GSE1: variants seen among roughly 807,000 people sequenced by gnomAD.
GSE1 encodes the protein Gse1 coiled-coil protein, also known as genetic suppressor element 1.
A neutral mutation model predicts 112.6 loss-of-function variants in GSE1; 32 were observed. That is an observed-to-expected ratio of 0.28 (90% CI 0.21 to 0.38). The LOEUF is 0.38. Among genes scored for constraint, GSE1 ranks in the 10% least tolerant of loss-of-function variants. The probability of loss-of-function intolerance (pLI) is 1.00; values close to 1 mark genes in which losing one functional copy is unlikely to be tolerated. For missense variants in GSE1, 2,348 were observed against 1,699.2 expected (o/e 1.38, Z -6.71); for synonymous variants, 1,115 against 735.6 (o/e 1.52, Z -8.35).
At chr16:85,269,900 A>G (rs1232039385) in intron 1 of GSE1, among the ~76,000 whole-genome samples, 3 of 149,546 alleles carry the variant, frequency 2.0e-5, no homozygotes, top group Non-Finnish European at 4.5e-5. Context: ...CAGCGCCGAC[A>G]TGTAGCTGCG....
chr16:85,275,423 G>A (rs978229123), intron 1 of GSE1, among the ~76,000 whole-genome samples: 2 of 152,216 alleles, frequency 1.3e-5, no homozygotes, highest in African/African-American at 2.4e-5. Flanking sequence ...CACTCCCTTG[G>A]CACCAGCAAG....
In GSE1 at chr16:85,663,347, C is replaced by G. The variant is rs1402262597; in HGVS notation, c.2377C>G (p.Leu793Val). The change falls in exon 11 of 16, where the codon CTA (leucine) becomes GTA (valine). Residue 793 changes from leucine to valine, a missense_variant. Transcript: ENST00000253458. ...PLKLDTSSEKLEFLQLFGLTT... is the reference protein window; with the variant it reads ...PLKLDTSSEKVEFLQLFGLTT... ...TTTGTTTTCTTTCCCAATCTAGAAG[C>G]TAGAGTTTTTGCAACTTTTTGGCTT... 1.2e-6 allele frequency: 2 copies of G among 1,613,782 alleles called. No homozygotes were observed. Among genetic ancestry groups the G allele is most frequent in the African/African-American group, 1.3e-5 (1 of 75,006 alleles).
intron 1 of GSE1, among the ~76,000 whole-genome samples, chr16:85,226,792 T>C (rs2075495428): frequency 6.7e-6 from 1 of 148,992 alleles, no homozygotes. Flanking sequence ...TGTGTGTGTG[T>C]GTGTGTGTGT....
chr16:85,207,704 C>T (rs1409885448), intron 1 of GSE1: 1 of 152,276 alleles, frequency 6.6e-6, no homozygotes, highest in Non-Finnish European at 1.5e-5. Flanking sequence ...ATCACCCTCT[C>T]CAGGCCTCTG....
chr16:85,258,582 G>C (rs1484707593), intron 1 of GSE1, among the ~76,000 whole-genome samples: 1 of 152,104 alleles, frequency 6.6e-6, no homozygotes, highest in African/African-American at 2.4e-5. Flanking sequence ...GGGTGCCAGG[G>C]CGCCTCTGCC....
intron 2 of GSE1, among the ~76,000 whole-genome samples, chr16:85,368,485 G>A (rs1051846198): frequency 3.9e-5 from 6 of 152,090 alleles, no homozygotes; most frequent in South Asian, 2.1e-4. Context: ...CAGGAGGATC[G>A]CTTGAGCCCA....
chr16:85,633,889 T>A (rs2151747568), intron 1 of GSE1, 25 bp from the exon 2 acceptor site: 1 of 1,587,398 alleles, frequency 6.3e-7, no homozygotes, highest in East Asian at 2.3e-5. Context: ...CTGGGTGACC[T>A]CTGGTTCTTC....
At chr16:85,524,123 G>A (rs1476879280) in intron 2 of GSE1, among the ~76,000 whole-genome samples, 2 of 152,146 alleles carry the variant, frequency 1.3e-5, no homozygotes, top group African/African-American at 2.4e-5. Context: ...GGCCGGTGGG[G>A]TGCAGGGGAC....
chr16:85,445,102 C>T (rs561249247), intron 2 of GSE1, among the ~76,000 whole-genome samples: 1 of 152,242 alleles, frequency 6.6e-6, no homozygotes, highest in South Asian at 2.1e-4. Context: ...TATCTTCCAG[C>T]CTGAATCGCT....
At chr16:85,659,892 A>T (rs1311948626) in intron 8 of GSE1, among the ~76,000 whole-genome samples, 1 of 152,214 alleles carries the variant, frequency 6.6e-6, no homozygotes, top group Non-Finnish European at 1.5e-5. Context: ...GCCACAGGCC[A>T]CTTGGGCAGT....
intron 1 of GSE1, among the ~76,000 whole-genome samples, chr16:85,203,486 AC>A (rs912834120): frequency 2.0e-5 from 3 of 152,022 alleles, no homozygotes; most frequent in Admixed American, 2.0e-4. Context: ...ATGGAGGGAG[AC>A]CCTGCTCGCT....
At position 85,311,531 on chromosome 16, in the gene GSE1, C is replaced by T. The variant is rs1206412509; in HGVS notation, c.2284-45932C>T. ...GGGAGGGAGGGAGGGAAGGAGGTGC[C>T]GGGGTGCTCACCTTCCCCGAGGCTT... On this transcript the variant is annotated intron_variant, in intron 1 of 2. Coordinates refer to the GSE1 transcript ENST00000637419. The surrounding 1 kb of genome is among the most constrained non-coding windows in gnomAD (Gnocchi z 4.2). 1.3e-5 allele frequency among the ~76,000 whole-genome samples: 2 copies of T among 152,084 alleles called. No individual in the cohort carries two copies. The highest frequency in any genetic ancestry group is 6.5e-5 in the Admixed American group (1 of 15,284).
At position 85,661,467 on chromosome 16, in the gene GSE1, G is replaced by T; in HGVS notation, c.1962G>T (p.Pro654=). The change falls in exon 9 of 16, where the codon CCG becomes CCT. Residue 654 remains proline, a synonymous_variant. Coordinates refer to ENST00000253458, the MANE Select transcript of GSE1 (RefSeq NM_014615.5). ...APLDKYQPPP[P]PPREGGSLEH... is the part of the protein sequence containing the mutation. Reference sequence around the variant, plus strand: ...TGGACAAGTACCAGCCACCTCCGCCGCCACCACGAGAGGGAGGGAGCCTGG... The same window carrying T: ...TGGACAAGTACCAGCCACCTCCGCCTCCACCACGAGAGGGAGGGAGCCTGG... 6.2e-7 allele frequency: 1 copy of T among 1,611,456 alleles called. No individual in the cohort carries two copies.
In GSE1 at chr16:85,672,553, A is replaced by T; in HGVS notation, c.*14A>T. The T allele has an allele frequency of 6.4e-7, 1 of 1,570,436 alleles. No homozygotes were observed. Among genetic ancestry groups the T allele is most frequent in the Non-Finnish European group, 8.7e-7 (1 of 1,147,006 alleles). On this transcript the variant is annotated 3_prime_UTR_variant, in exon 16 of 16. Transcript: ENST00000253458. ...TATCCCAGGTGACGGTTTCCCTTGC[A>T]CTAGGCCGAACCTATAGTATAGAAA...
At chr16:85,256,800 C>T (rs1907132898) in intron 1 of GSE1, among the ~76,000 whole-genome samples, 2 of 152,272 alleles carry the variant, frequency 1.3e-5, no homozygotes, top group Admixed American at 1.3e-4. Context: ...ACGTTTTACT[C>T]TCCAGCTTTG....
chr16:85,265,639 T>C (rs4074608), intron 1 of GSE1, among the ~76,000 whole-genome samples: 32,826 of 152,078 alleles, frequency 0.22, 4,043 homozygotes, highest in African/African-American at 0.34. Flanking sequence ...GGCTGATGCC[T>C]ACCCTGCTAT....
At chr16:85,664,993 T>A (rs1476490297) in intron 11 of GSE1, 22 bp from the exon 12 acceptor site, 1 of 1,453,246 alleles carries the variant, frequency 6.9e-7, no homozygotes, top group Non-Finnish European at 9.7e-7. Context: ...GGCTCGTTAA[T>A]CTCAGGCTGC....
intron 1 of GSE1, among the ~76,000 whole-genome samples, chr16:85,211,572 C>G (rs1597809403): frequency 1.3e-5 from 2 of 152,348 alleles, no homozygotes; most frequent in African/African-American, 4.8e-5. Flanking sequence ...GGCTGAGGGT[C>G]TGGAGGGGGC....
chr16:85,646,096 C>G (rs1229876391), intron 2 of GSE1, among the ~76,000 whole-genome samples: 1 of 125,704 alleles, frequency 8.0e-6, no homozygotes, highest in East Asian at 2.3e-4. Context: ...ACCACGCTTC[C>G]TATGCATGCA....
Sources: allele counts gnomAD v4.1 joint callset (sites outside exome capture counted in the v4.1 genomes callset), GRCh38; gene constraint gnomAD v4.1.1; non-coding constraint Gnocchi (gnomAD v3.1); transcripts MANE v1.5; gene names NCBI Gene and HGNC (gene_info 2026-07-23, HGNC 2026-07-21).